Variants in GSTM2 observed in about 807,000 individuals in gnomAD.
The protein encoded by GSTM2 is glutathione S-transferase mu 2, also known as GST class-mu 2.
In GSTM2, 33 loss-of-function variants were observed where a neutral mutation model predicts 33.3. The ratio of observed to expected loss-of-function variants is 0.99; its 90% CI spans 0.75 to 1.33. The LOEUF (loss-of-function observed/expected upper bound fraction) is 1.33. Among genes scored for constraint, GSTM2 ranks in the 40% most tolerant of loss-of-function variants. The pLI, the probability that GSTM2 is intolerant of heterozygous loss-of-function variation, is 0.00. For missense variants in GSTM2, 213 were observed against 265.8 expected, an observed-to-expected ratio of 0.80 and a Z score of 1.38; for synonymous variants, 93 against 95.6, an observed-to-expected ratio of 0.97 and a Z score of 0.16.
chr1:109,676,953 A>T (rs1647719719), downstream of GSTM2, among the ~76,000 whole-genome samples: 1 of 152,184 alleles, frequency 6.6e-6, no homozygotes, highest in Admixed American at 6.5e-5. Flanking sequence ...CAGCAGGGAG[A>T]TCTTGTTACA....
At position 109,668,868 on chromosome 1, in the gene GSTM2, A is replaced by G. The variant is rs376678043; in HGVS notation, c.113-57A>G. ...CCACTGGCTCCTTGGGAGGGTCCCC[A>G]GGAAGGAGGGCTGGGCTTTGGGGAG... is the stretch of plus-strand genomic sequence containing the variant. On this transcript the variant is annotated intron_variant, in intron 2 of 7. Coordinates refer to ENST00000241337, the MANE Select transcript of GSTM2 (RefSeq NM_000848.4). 1.6e-4 allele frequency: 257 copies of G among 1,607,614 alleles called. 1 individual carries two copies. In the East Asian group the frequency reaches 2.4e-3, roughly 15 times the overall value.
chr1:109,671,161 C>A, intron 5 of GSTM2, 126 bp from the exon 6 acceptor site: 1 of 713,172 alleles, frequency 1.4e-6, no homozygotes. Flanking sequence ...GGACAGTGAC[C>A]CAGTTCCAGC....
Position 109,668,944 on chromosome 1 carries a change from C to T in GSTM2, c.132C>T (p.Ser44=), listed in dbSNP as rs750896418. 5.0e-6 allele frequency: 8 copies of T among 1,612,188 alleles called. No homozygotes were observed. In the Admixed American group the frequency reaches 5.0e-5, roughly 10 times the overall value. The change falls in exon 3 of 8, where the codon AGC becomes AGT. Residue 44 remains serine (S), a synonymous_variant. Coordinates refer to ENST00000241337, the MANE Select transcript of GSTM2 (RefSeq NM_000848.4). Reference sequence around the variant, plus strand: ...CCACAGCTCCTGATTATGACAGAAGCCAGTGGCTGAATGAAAAATTCAAGC... The same window carrying T: ...CCACAGCTCCTGATTATGACAGAAGTCAGTGGCTGAATGAAAAATTCAAGC... ...TMGDAPDYDR[S]QWLNEKFKLG... is the part of the protein sequence containing the mutation.
At position 109,668,078 on chromosome 1, in the gene GSTM2, G is replaced by A; in HGVS notation, c.-38G>A. 7 of 1,611,348 alleles carry A rather than the reference G, an allele frequency of 4.3e-6. No individual in the cohort carries two copies. The highest frequency in any genetic ancestry group is 5.9e-6 in the Non-Finnish European group (7 of 1,177,510). On this transcript the variant is annotated 5_prime_UTR_variant, in exon 1 of 8. Transcript: ENST00000241337. ...TCTCACAAACGCTGAGCCCCGCCCCGCTGAGGCCTGTCTGCAGAATCCACA... is the reference window on the plus strand; with the variant it reads ...TCTCACAAACGCTGAGCCCCGCCCCACTGAGGCCTGTCTGCAGAATCCACA...
chr1:109,672,529 G>A (rs898198926), intron 7 of GSTM2, among the ~76,000 whole-genome samples: 1 of 152,188 alleles, frequency 6.6e-6, no homozygotes, highest in African/African-American at 2.4e-5. Context: ...TCTATGGTTG[G>A]CAGTCAGGGC....
Position 109,668,767 on chromosome 1 carries a change from G to A in GSTM2, c.113-158G>A. 6.3e-6 allele frequency: 6 copies of A among 949,924 alleles called. No individual in the cohort carries two copies. The South Asian group carries it at 8.7e-5, about 14-fold the overall frequency. The allele number at this position is 949,924 out of a possible 1,614,324, so 58.8% of individuals were successfully genotyped here. On this transcript the variant is annotated intron_variant, in intron 2 of 7. Coordinates refer to ENST00000241337, the MANE Select transcript of GSTM2 (RefSeq NM_000848.4). ...CTGTGTGGGGTCCAGAGCCCTCACT[G>A]GAATTCTTTTTCTCTGAATCCTGGG...
At position 109,669,251 on chromosome 1, in the gene GSTM2, G is replaced by C. The variant is rs111477734; in HGVS notation, c.178-39G>C. The C allele has an allele frequency of 7.9e-3, 12,721 of 1,611,376 alleles. 811 individuals carry two copies. In the African/African-American group the frequency reaches 0.14, roughly 18 times the overall value. On this transcript the variant is annotated intron_variant, in intron 3 of 7. Transcript: ENST00000241337. ...TGGGAAGGGGATGCTGGGGAGCCTG[G>C]TGGCCCAACTGAGCTTCCCCGGTTT...
rs1381975566 is a variant in GSTM2 at position 109,668,524 on chromosome 1, C to T, written c.112+24C>T. On this transcript the variant is annotated intron_variant, in intron 2 of 7. Coordinates refer to ENST00000241337, the MANE Select transcript of GSTM2 (RefSeq NM_000848.4). ...CGGTAATGGCACCCTCGAGTCTGGGCCCTGCCCCCTCACACTAAGTTGGCA... is the reference window on the plus strand; with the variant it reads ...CGGTAATGGCACCCTCGAGTCTGGGTCCTGCCCCCTCACACTAAGTTGGCA... 5 of 1,612,352 alleles carry T rather than the reference C, an allele frequency of 3.1e-6. No homozygotes were observed. In the East Asian group the frequency reaches 8.9e-5, roughly 29 times the overall value.
intron 2 of GSTM2, 37 bp from the exon 3 acceptor site, chr1:109,668,888 G>A (rs1246619937): frequency 5.6e-6 from 9 of 1,611,526 alleles, no homozygotes; most frequent in Non-Finnish European, 6.8e-6. Context: ...GCTGGGCTTT[G>A]GGGAGGTTTG....
At chr1:109,668,650 C>G in intron 2 of GSTM2, 150 bp downstream of exon 2, 1 of 963,548 alleles carries the variant, frequency 1.0e-6, no homozygotes, top group Non-Finnish European at 1.6e-6. Flanking sequence ...GAGCTCCTTG[C>G]AAGGCAGAAT....
Position 109,674,808 on chromosome 1 carries a change from C to T in GSTM2, c.629C>T (p.Thr210Ile). The part of the protein sequence containing the change: ...SSRFLPRPVF[T>I]KMAVWGNK ...CGCTTCCTCCCAAGACCTGTGTTCA[C>T]AAAGATGGCTGTCTGGGGCAACAAG... The change falls in exon 8 of 8, where the codon ACA becomes ATA. Residue 210 changes from threonine (T) to isoleucine (I), a missense_variant. Transcript: ENST00000241337. 2 of 1,614,210 alleles carry T rather than the reference C, an allele frequency of 1.2e-6. No homozygotes were observed. The highest frequency in any genetic ancestry group is 1.3e-5 in the African/African-American group (1 of 75,044).
At chr1:109,679,749 G>C (rs1454460998), downstream of GSTM2, among the ~76,000 whole-genome samples, 4 of 152,160 alleles carry the variant, frequency 2.6e-5, no homozygotes, top group African/African-American at 7.2e-5. Flanking sequence ...TAATGTGATG[G>C]TTAGTTAGTT....
chr1:109,669,297 A>G lies in GSTM2; in HGVS notation c.185A>G (p.Tyr62Cys). Residue 62 changes from tyrosine (Y) to cysteine (C), a missense_variant, in exon 4 of 8, where the codon TAC becomes TGC. By Grantham distance (194) the Tyr-to-Cys change is radical. Coordinates refer to ENST00000241337, the MANE Select transcript of GSTM2 (RefSeq NM_000848.4). ...GGTTTCCCATCTATCCAGCTGCCCT[A>G]CTTGATTGATGGGACTCACAAGATC... ...KLGLDFPNLP[Y>C]LIDGTHKITQ... The G allele has an allele frequency of 6.2e-7, 1 of 1,614,104 alleles. No individual in the cohort carries two copies. Among genetic ancestry groups the G allele is most frequent in the Non-Finnish European group, 8.5e-7 (1 of 1,180,010 alleles).
chr1:109,668,671 G>A (rs1460817871), intron 2 of GSTM2, 171 bp downstream of exon 2: 4 of 859,538 alleles, frequency 4.7e-6, no homozygotes, highest in Non-Finnish European at 7.6e-6. Flanking sequence ...GCTGGGGCGG[G>A]ATGCTGGGCC....
chr1:109,671,241 C>T (rs185413548), intron 5 of GSTM2, 46 bp from the exon 6 acceptor site: 35 of 1,395,654 alleles, frequency 2.5e-5, no homozygotes, highest in Admixed American at 1.7e-4. Context: ...CGCATCTGTG[C>T]AGGGAGCTTG....
intron 7 of GSTM2, chr1:109,673,597 G>A (rs1198227321): frequency 2.4e-5 from 7 of 291,276 alleles, no homozygotes; most frequent in Non-Finnish European, 6.7e-6. Context: ...ATGGAGGAGA[G>A]CTGAGAGCTA....
chr1:109,674,391 A>T (rs1037655225), intron 7 of GSTM2, among the ~76,000 whole-genome samples: 1 of 152,120 alleles, frequency 6.6e-6, no homozygotes, highest in Non-Finnish European at 1.5e-5. Context: ...AATGTAAGGA[A>T]GTTGCTGAAC....
chr1:109,672,043 GC>G (rs1025507488), intron 7 of GSTM2, among the ~76,000 whole-genome samples: 4 of 151,326 alleles, frequency 2.6e-5, no homozygotes, highest in African/African-American at 9.7e-5. Flanking sequence ...ATTTTGGGAG[GC>G]CGAGTTGGGT....
intron 5 of GSTM2, 31 bp downstream of exon 5, chr1:109,669,602 C>G (rs1410983980): frequency 7.6e-7 from 1 of 1,321,934 alleles, no homozygotes; most frequent in Non-Finnish European, 1.1e-6. Flanking sequence ...CCCAGTCTCC[C>G]CTTCCCTACT....
Sources: gnomAD v4.1 joint callset for allele counts (sites outside exome capture counted in the v4.1 genomes callset) on GRCh38, gnomAD v4.1.1 for gene constraint, MANE v1.5 for transcripts, NCBI Gene and HGNC (gene_info 2026-07-23, HGNC 2026-07-21) for gene names.